PTPRM: variants seen among roughly 807,000 people sequenced by gnomAD.
The protein encoded by PTPRM is receptor-type tyrosine-protein phosphatase mu.
In PTPRM, 47 loss-of-function variants were observed where a neutral mutation model predicts 186.7. That is an observed-to-expected ratio of 0.25 (90% CI 0.20 to 0.32). The LOEUF is 0.32. Ranked by LOEUF, PTPRM falls within the 10% of genes least tolerant of loss-of-function variation. The probability of loss-of-function intolerance (pLI) is 1.00; values close to 1 mark genes in which losing one functional copy is unlikely to be tolerated. For synonymous variants in PTPRM, 668 were observed against 674.9 expected (o/e 0.99, Z 0.16); for missense variants, 1,494 against 1,865.0 (o/e 0.80, Z 3.66).
At chr18:8,128,039 T>C (rs1026623811) in intron 13 of PTPRM, among the ~76,000 whole-genome samples, 7 of 152,200 alleles carry the variant, frequency 4.6e-5, no homozygotes, top group Non-Finnish European at 1.0e-4. Context: ...GAAAACGTAC[T>C]ATCTCTATGA....
At chr18:8,389,707 T>C (rs2095799309) in intron 31 of PTPRM, among the ~76,000 whole-genome samples, 1 of 152,230 alleles carries the variant, frequency 6.6e-6, no homozygotes, top group South Asian at 2.1e-4. Context: ...TAAGGCTTTT[T>C]TTAGCTATAA....
chr18:7,996,909 T>G (rs931991521), intron 7 of PTPRM, among the ~76,000 whole-genome samples: 5 of 151,960 alleles, frequency 3.3e-5, no homozygotes, highest in Admixed American at 6.6e-5. Flanking sequence ...TGAAAAGATA[T>G]TACATGTGTA....
chr18:8,152,732 T>C (rs2093038528), intron 14 of PTPRM, among the ~76,000 whole-genome samples: 1 of 145,414 alleles, frequency 6.9e-6, no homozygotes. Context: ...TTTTTTTTTT[T>C]TTTTGAGATA....
chr18:7,620,505 T>G (rs1237796653), intron 1 of PTPRM, among the ~76,000 whole-genome samples: 3 of 152,122 alleles, frequency 2.0e-5, no homozygotes, highest in African/African-American at 7.2e-5. Context: ...TGAGGGAGAT[T>G]CACATGCTTT....
intron 2 of PTPRM, among the ~76,000 whole-genome samples, chr18:7,802,513 C>T (rs2044023873): frequency 6.6e-6 from 1 of 151,948 alleles, no homozygotes. Context: ...ACCAGATACT[C>T]GTTGGCATCA....
Position 8,340,765 on chromosome 18 carries a change from C to T in PTPRM, c.2957-2658C>T, listed in dbSNP as rs949444974. 1.9e-4 allele frequency among the ~76,000 whole-genome samples: 29 copies of T among 152,136 alleles called. 1 individual carries two copies. The highest frequency in any genetic ancestry group is 6.0e-4 in the African/African-American group (25 of 41,422). ...TGATGGTTATACTGGAAGACGAAGC[C>T]GATGTCCTTGATGCTATAGATCAGG... is the stretch of plus-strand genomic sequence containing the variant. On this transcript the variant is annotated intron_variant, in intron 22 of 32. Transcript: ENST00000580170.
chr18:8,125,460 G>A (rs1388064293), intron 13 of PTPRM, among the ~76,000 whole-genome samples: 4 of 151,894 alleles, frequency 2.6e-5, no homozygotes, highest in South Asian at 2.1e-4. Context: ...TTTTAGAACC[G>A]TACTTCCAAC....
At chr18:7,708,976 TA>T (rs1000824616) in intron 1 of PTPRM, among the ~76,000 whole-genome samples, 1 of 152,180 alleles carries the variant, frequency 6.6e-6, no homozygotes, top group African/African-American at 2.4e-5. Flanking sequence ...TTCAGATGTT[TA>T]TTATAATTCT....
chr18:7,633,342 A>G (rs191939336), intron 1 of PTPRM, among the ~76,000 whole-genome samples: 142 of 152,256 alleles, frequency 9.3e-4, no homozygotes, highest in African/African-American at 3.2e-3. Flanking sequence ...TCTTAGGAGG[A>G]GTCACCATGT....
intron 20 of PTPRM, among the ~76,000 whole-genome samples, chr18:8,308,273 T>A (rs555079977): frequency 6.6e-6 from 1 of 152,208 alleles, no homozygotes; most frequent in South Asian, 2.1e-4. Context: ...AATCACCTAA[T>A]TGGCTACAGC....
chr18:7,716,708 C>T (rs1365944080), intron 1 of PTPRM, among the ~76,000 whole-genome samples: 1 of 152,078 alleles, frequency 6.6e-6, no homozygotes, highest in Non-Finnish European at 1.5e-5. Context: ...GATATTGATG[C>T]AACCAATAAA....
At chr18:8,238,808 T>A (rs1470221508) in intron 14 of PTPRM, among the ~76,000 whole-genome samples, 2 of 151,456 alleles carry the variant, frequency 1.3e-5, no homozygotes, top group Non-Finnish European at 2.9e-5. Context: ...TAGTCTATAG[T>A]GAACCTGTGC....
chr18:8,029,330 C>A lies in PTPRM; in HGVS notation c.1133-40356C>A, dbSNP rs557719595. 1.4e-3 allele frequency among the ~76,000 whole-genome samples: 207 copies of A among 148,122 alleles called. 2 individuals are homozygous for A. Among genetic ancestry groups the A allele is most frequent in the Middle Eastern group, 0.011 (3 of 284 alleles). On this transcript the variant is annotated intron_variant, in intron 7 of 32. Transcript: ENST00000580170. ...GAGTGCCCCTCCTCCACCTGTCCTGCCTGGAGCACCCCTCCCCCACACCTG... is the reference window on the plus strand; with the variant it reads ...GAGTGCCCCTCCTCCACCTGTCCTGACTGGAGCACCCCTCCCCCACACCTG...
At chr18:7,923,985 C>A (rs1193379880) in intron 4 of PTPRM, among the ~76,000 whole-genome samples, 1 of 152,144 alleles carries the variant, frequency 6.6e-6, no homozygotes, top group Non-Finnish European at 1.5e-5. Flanking sequence ...GGTAAGAGAT[C>A]TATAAAAGAG....
At chr18:7,655,329 C>T (rs113701004) in intron 1 of PTPRM, among the ~76,000 whole-genome samples, 4 of 152,092 alleles carry the variant, frequency 2.6e-5, no homozygotes, top group East Asian at 1.9e-4. Flanking sequence ...CAAAGTGCTA[C>T]GATTACAGGC....
intron 2 of PTPRM, among the ~76,000 whole-genome samples, chr18:7,849,694 A>C (rs1276803663): frequency 1.3e-5 from 2 of 152,234 alleles, no homozygotes; most frequent in Non-Finnish European, 2.9e-5. Flanking sequence ...GTTGAAAACT[A>C]TGCAGAAATA....
intron 24 of PTPRM, chr18:8,371,628 G>A (rs1477935700): frequency 2.0e-5 from 3 of 152,652 alleles, no homozygotes; most frequent in Admixed American, 6.5e-5. Context: ...AGTTGCTGGT[G>A]TTGGGTCGGT....
chr18:7,737,447 AT>A (rs2040795322), intron 1 of PTPRM, among the ~76,000 whole-genome samples: 1 of 152,212 alleles, frequency 6.6e-6, no homozygotes, highest in African/African-American at 2.4e-5. Context: ...TTGCCAGTGA[AT>A]TTGAAACCCG....
At position 7,842,955 on chromosome 18, in the gene PTPRM, G is replaced by T. The variant is rs893174148; in HGVS notation, c.197-45151G>T. Among the ~76,000 whole-genome samples, 548 of 124,066 alleles carry T rather than the reference G, an allele frequency of 4.4e-3. 5 individuals carry two copies. Among genetic ancestry groups the T allele is most frequent in the East Asian group, 0.013 (52 of 4,012 alleles). 81.4% of individuals were successfully genotyped at this position (124,066 alleles called of 152,430 possible). ...GTATATATATATATATATAGAGAGAGAGAGAGAGAGAGAGAGAGAGAGAGA... is the reference window on the plus strand; with the variant it reads ...GTATATATATATATATATAGAGAGATAGAGAGAGAGAGAGAGAGAGAGAGA... On this transcript the variant is annotated intron_variant, in intron 2 of 32. Coordinates refer to ENST00000580170, the MANE Select transcript of PTPRM (RefSeq NM_001105244.2).
Sources: allele counts gnomAD v4.1 joint callset (sites outside exome capture counted in the v4.1 genomes callset), GRCh38; gene constraint gnomAD v4.1.1; transcripts MANE v1.5; gene names NCBI Gene and HGNC (gene_info 2026-07-23, HGNC 2026-07-21).